CSMD3: variants seen among roughly 807,000 people sequenced by gnomAD.
The protein encoded by CSMD3 is CUB and sushi domain-containing protein 3.
In CSMD3, 177 loss-of-function variants were observed where a neutral mutation model predicts 435.2. The observed-to-expected ratio is 0.41, with a 90% CI of 0.36 to 0.46. The LOEUF (loss-of-function observed/expected upper bound fraction) is 0.46, where lower values mean the gene tolerates loss of function less well. Ranked by LOEUF, CSMD3 falls within the 20% of genes least tolerant of loss-of-function variation. CSMD3 has a pLI of 0.34. For synonymous variants in CSMD3, 1,656 were observed against 1,520.5 expected (o/e 1.09, Z -2.07); for missense variants, 4,265 against 4,504.6 (o/e 0.95, Z 1.52).
At chr8:112,709,124 T>C (rs1223154044) in intron 13 of CSMD3, among the ~76,000 whole-genome samples, 2 of 152,130 alleles carry the variant, frequency 1.3e-5, no homozygotes, top group East Asian at 1.9e-4. Context: ...CGAGCTCATA[T>C]ACACATGCCA....
At chr8:113,128,608 C>A (rs1336782770) in intron 4 of CSMD3, among the ~76,000 whole-genome samples, 1 of 151,764 alleles carries the variant, frequency 6.6e-6, no homozygotes, top group African/African-American at 2.4e-5. Context: ...AAATATATTT[C>A]CAAACACAAA....
chr8:112,586,301 G>GC (rs1244278675), intron 23 of CSMD3, among the ~76,000 whole-genome samples: 2 of 150,870 alleles, frequency 1.3e-5, no homozygotes, highest in Non-Finnish European at 3.0e-5. Flanking sequence ...TTAACAATTA[G>GC]AAAAAAGCTA....
intron 22 of CSMD3, among the ~76,000 whole-genome samples, chr8:112,634,469 T>C (rs2074602383): frequency 6.6e-6 from 1 of 152,128 alleles, no homozygotes; most frequent in South Asian, 2.1e-4. Context: ...TTGAATTAAT[T>C]GTAAATTTTA....
intron 54 of CSMD3, among the ~76,000 whole-genome samples, chr8:112,295,051 T>C (rs1820133445): frequency 6.6e-6 from 1 of 152,154 alleles, no homozygotes; most frequent in Non-Finnish European, 1.5e-5. Context: ...CTATCACTCC[T>C]CTGCTACTCT....
At chr8:113,040,308 G>A (rs183038535) in intron 5 of CSMD3, among the ~76,000 whole-genome samples, 6 of 152,292 alleles carry the variant, frequency 3.9e-5, no homozygotes, top group East Asian at 3.9e-4. Context: ...ACCTTGCAGG[G>A]TTATTGCACA....
intron 6 of CSMD3, among the ~76,000 whole-genome samples, chr8:113,018,271 A>G (rs2131165598): frequency 6.6e-6 from 1 of 152,028 alleles, no homozygotes; most frequent in South Asian, 2.1e-4. Flanking sequence ...ATTTAATGCC[A>G]TTTTGAGTAC....
intron 32 of CSMD3, among the ~76,000 whole-genome samples, chr8:112,414,433 C>T (rs1282632444): frequency 2.0e-5 from 3 of 152,162 alleles, no homozygotes; most frequent in South Asian, 2.1e-4. Flanking sequence ...CTGCTTCTCC[C>T]GTTGCCTTCT....
intron 59 of CSMD3, 79 bp from the exon 60 acceptor site, chr8:112,265,669 C>T (rs186761814): frequency 2.5e-5 from 24 of 965,978 alleles, no homozygotes; most frequent in African/African-American, 2.4e-4. Flanking sequence ...ATATGGCATA[C>T]TTAATATATA....
At chr8:113,051,005 G>A (rs910504469) in intron 5 of CSMD3, among the ~76,000 whole-genome samples, 1 of 152,066 alleles carries the variant, frequency 6.6e-6, no homozygotes, top group Non-Finnish European at 1.5e-5. Flanking sequence ...GAGAAAGGGT[G>A]TGTTGTGAAG....
intron 4 of CSMD3, among the ~76,000 whole-genome samples, chr8:113,166,332 A>C (rs1842415): frequency 0.67 from 102,222 of 151,822 alleles, 36,000 homozygotes; most frequent in East Asian, 0.95. Context: ...TAGTGAAACC[A>C]CATCTCTACT....
At chr8:112,898,121 A>C (rs1401645700) in intron 10 of CSMD3, among the ~76,000 whole-genome samples, 3 of 151,226 alleles carry the variant, frequency 2.0e-5, no homozygotes, top group African/African-American at 7.3e-5. Context: ...ATTTTAAGCA[A>C]GCTTCCAATG....
intron 39 of CSMD3, 92 bp downstream of exon 39, chr8:112,352,324 T>C: frequency 6.3e-7 from 1 of 1,589,294 alleles, no homozygotes; most frequent in South Asian, 1.1e-5. Flanking sequence ...CCAGGATCAA[T>C]GTTGTAAAAC....
intron 7 of CSMD3, among the ~76,000 whole-genome samples, chr8:112,975,204 T>C (rs2084800196): frequency 6.6e-6 from 1 of 152,010 alleles, no homozygotes; most frequent in African/African-American, 2.4e-5. Flanking sequence ...AAAAATAAAT[T>C]AGACATTTAA....
At chr8:112,450,612 A>G (rs893309592) in intron 32 of CSMD3, among the ~76,000 whole-genome samples, 1 of 152,162 alleles carries the variant, frequency 6.6e-6, no homozygotes, top group African/African-American at 2.4e-5. Context: ...CTGAGGTGTG[A>G]CCTTGGTGAG....
At chr8:112,827,228 G>A (rs1564000496) in intron 12 of CSMD3, among the ~76,000 whole-genome samples, 1 of 126,262 alleles carries the variant, frequency 7.9e-6, no homozygotes, top group Admixed American at 9.3e-5. Context: ...CCACAATTGT[G>A]TGATACCAAT....
intron 1 of CSMD3, among the ~76,000 whole-genome samples, chr8:113,368,935 G>T (rs760973415): frequency 4.6e-5 from 7 of 152,018 alleles, no homozygotes; most frequent in Non-Finnish European, 1.0e-4. Flanking sequence ...AAGGAACGGT[G>T]GGTTTGTGTT....
chr8:112,549,712 G>C (rs1827507736), intron 27 of CSMD3, among the ~76,000 whole-genome samples: 1 of 151,842 alleles, frequency 6.6e-6, no homozygotes, highest in Non-Finnish European at 1.5e-5. Flanking sequence ...ACCAAATACT[G>C]TGCACACATG....
At chr8:113,014,885 T>G (rs1177198731) in intron 6 of CSMD3, among the ~76,000 whole-genome samples, 2 of 152,160 alleles carry the variant, frequency 1.3e-5, no homozygotes, top group African/African-American at 4.8e-5. Context: ...GAAGAAGTCT[T>G]AATACCTTTT....
intron 10 of CSMD3, among the ~76,000 whole-genome samples, chr8:112,864,498 G>A (rs1038695370): frequency 2.6e-5 from 4 of 152,000 alleles, no homozygotes; most frequent in Admixed American, 2.0e-4. Context: ...TGATCAGCCC[G>A]CCTCAGCCTC....
Sources: gnomAD v4.1 joint callset for allele counts (sites outside exome capture counted in the v4.1 genomes callset) on GRCh38, gnomAD v4.1.1 for gene constraint, MANE v1.5 for transcripts, NCBI Gene and HGNC (gene_info 2026-07-23, HGNC 2026-07-21) for gene names.